SRGAP3: variants seen among roughly 807,000 people sequenced by gnomAD.
SRGAP3 encodes the protein SLIT-ROBO Rho GTPase activating protein 3.
SRGAP3 carries 39 observed loss-of-function variants against 121.1 expected under a neutral mutation model. That is an observed-to-expected ratio of 0.32 (90% confidence interval 0.25 to 0.42). SRGAP3 has a LOEUF of 0.42. Ranked by LOEUF, SRGAP3 falls within the 10% of genes least tolerant of loss-of-function variation. The probability of loss-of-function intolerance (pLI) is 1.00; values close to 1 mark genes in which losing one functional copy is unlikely to be tolerated. For missense variants in SRGAP3, 1,213 were observed against 1,470.6 expected (o/e 0.82, Z 2.86); for synonymous variants, 601 against 570.0 (o/e 1.05, Z -0.77).
intron 3 of SRGAP3, among the ~76,000 whole-genome samples, chr3:9,275,042 T>C (rs1220118500): frequency 1.3e-5 from 2 of 152,156 alleles, no homozygotes; most frequent in East Asian, 3.9e-4. Context: ...GGCTTGAGGG[T>C]GGAACCCTCA....
chr3:8,993,010 C>G lies in SRGAP3; in HGVS notation c.2454G>C (p.Glu818Asp), dbSNP rs868425111. 3.1e-6 allele frequency: 5 copies of G among 1,614,116 alleles called. No individual in the cohort carries two copies. Among genetic ancestry groups the G allele is most frequent in the Non-Finnish European group, 3.4e-6 (4 of 1,180,050 alleles). ...CATCCAGCAATGGCCCACTGCTGGC[C>G]TCGCTGTCAGCCTTCTGGCTCAGGC... ...SDSLSQKADS[E>D]ASSGPLLDDK... is the part of the protein sequence containing the mutation. Residue 818 changes from glutamate (E) to aspartate (D), a missense_variant, in exon 20 of 22, where the codon GAG (glutamate) becomes GAC (aspartate). Glu to Asp is a conservative substitution (Grantham distance 45). Transcript: ENST00000383836.
At chr3:9,318,630 T>C (rs2125281309) in intron 3 of SRGAP3, among the ~76,000 whole-genome samples, 1 of 151,498 alleles carries the variant, frequency 6.6e-6, no homozygotes, top group East Asian at 1.9e-4. Flanking sequence ...ATCCCAGCAC[T>C]TTGAGAGGCT....
chr3:9,131,137 G>C (rs999384490), intron 1 of SRGAP3, among the ~76,000 whole-genome samples: 1 of 152,188 alleles, frequency 6.6e-6, no homozygotes, highest in East Asian at 1.9e-4. Flanking sequence ...CACAGATTTG[G>C]GTTTTCTCCT....
intron 1 of SRGAP3, among the ~76,000 whole-genome samples, chr3:9,148,260 C>T (rs181795631): frequency 1.3e-5 from 2 of 152,274 alleles, no homozygotes; most frequent in African/African-American, 2.4e-5. Flanking sequence ...AAGAAGAAAA[C>T]GCCCTAGAAA....
Position 9,016,753 on chromosome 3 carries a change from C to T in SRGAP3, c.1679-1022G>A, listed in dbSNP as rs576768173. On this transcript the variant is annotated intron_variant, in intron 14 of 21. Transcript: ENST00000383836. ...TGATTTTTGCCCAAATTAATTGTTC[C>T]ACTGGGGTTGCAAAACGGTGACTTT... Among the ~76,000 whole-genome samples, 4 of 152,276 alleles carry T rather than the reference C, an allele frequency of 2.6e-5. 1 individual carries two copies. The highest frequency in any genetic ancestry group is 9.6e-5 in the African/African-American group (4 of 41,550).
chr3:9,152,605 G>T lies in SRGAP3; in HGVS notation c.68-27688C>A, dbSNP rs376585643. Among the ~76,000 whole-genome samples, 26 of 152,328 alleles carry T rather than the reference G, an allele frequency of 1.7e-4. 1 individual carries two copies. The highest frequency in any genetic ancestry group is 1.2e-3 in the Admixed American group (18 of 15,304). Reference sequence around the variant, plus strand: ...CAGAAGCAGAGACAAACCTGGCATAGCCCCTGAGAGACGAGCAGTGTGGCC... The same window carrying T: ...CAGAAGCAGAGACAAACCTGGCATATCCCCTGAGAGACGAGCAGTGTGGCC... On this transcript the variant is annotated intron_variant, in intron 1 of 21. Transcript: ENST00000383836.
At chr3:9,098,762 G>A (rs141028551) in intron 3 of SRGAP3, among the ~76,000 whole-genome samples, 47 of 152,354 alleles carry the variant, frequency 3.1e-4, no homozygotes, top group African/African-American at 9.9e-4. Flanking sequence ...CACTGCAGGC[G>A]TTTGCTCACT....
At chr3:9,322,495 G>A (rs1267031013) in intron 3 of SRGAP3, among the ~76,000 whole-genome samples, 1 of 151,884 alleles carries the variant, frequency 6.6e-6, no homozygotes, top group Non-Finnish European at 1.5e-5. Flanking sequence ...GAACAGGGCT[G>A]CACAGCAGGA....
intron 4 of SRGAP3, among the ~76,000 whole-genome samples, chr3:9,075,367 GT>G (rs1186345037): frequency 2.1e-5 from 3 of 140,704 alleles, no homozygotes; most frequent in Non-Finnish European, 4.5e-5. Flanking sequence ...GCACATGCAT[GT>G]ATGCAAGTGT....
At position 9,159,110 on chromosome 3, in the gene SRGAP3, G is replaced by A. The variant is rs1404500607; in HGVS notation, c.68-34193C>T. 3.9e-5 allele frequency among the ~76,000 whole-genome samples: 6 copies of A among 152,026 alleles called. No homozygotes were observed. The East Asian group carries it at 9.6e-4, about 24-fold the overall frequency. On this transcript the variant is annotated intron_variant, in intron 1 of 21. Transcript: ENST00000383836. Reference sequence around the variant, plus strand: ...GTTCCAACTCGTGTTCTGTACTGGGGTCCTCGGGCCATCACTCTCTTTGCC... The same window carrying A: ...GTTCCAACTCGTGTTCTGTACTGGGATCCTCGGGCCATCACTCTCTTTGCC...
intron 3 of SRGAP3, among the ~76,000 whole-genome samples, chr3:9,099,799 C>T (rs540409029): frequency 1.3e-5 from 2 of 152,308 alleles, no homozygotes; most frequent in South Asian, 4.1e-4. Flanking sequence ...TTAATAAAGC[C>T]TCCAGGTGAT....
intron 1 of SRGAP3, among the ~76,000 whole-genome samples, chr3:9,332,780 G>C (rs1439514400): frequency 6.6e-6 from 1 of 152,136 alleles, no homozygotes; most frequent in Admixed American, 6.5e-5. Flanking sequence ...ATTAAAGACA[G>C]AAGGCAAGGG....
intron 3 of SRGAP3, among the ~76,000 whole-genome samples, chr3:9,302,271 T>G (rs905672378): frequency 2.0e-5 from 3 of 152,190 alleles, no homozygotes; most frequent in Non-Finnish European, 4.4e-5. Flanking sequence ...TGCTTCTGAC[T>G]GCAGCTAGAG....
intron 1 of SRGAP3, among the ~76,000 whole-genome samples, chr3:9,157,059 A>G (rs1950443775): frequency 6.6e-6 from 1 of 152,188 alleles, no homozygotes; most frequent in Non-Finnish European, 1.5e-5. Context: ...TTTCTTGAGC[A>G]TAATGAATAC....
At chr3:9,023,943 C>T (rs544778397) in intron 14 of SRGAP3, among the ~76,000 whole-genome samples, 26 of 152,124 alleles carry the variant, frequency 1.7e-4, no homozygotes, top group Non-Finnish European at 2.9e-4. Context: ...GCCTGGGGGC[C>T]GTGGCAGTAC....
Position 9,058,291 on chromosome 3 carries a change from G to A in SRGAP3, c.983C>T (p.Pro328Leu), listed in dbSNP as rs1945934388. ...GGGCTGGAACTCGAACTTGAGTGGA[G>A]GGCAGAAGACTTGATTGCACATGTC... ...VMDMCNQVFC[P>L]PLKFEFQPHM... Residue 328 changes from proline to leucine, a missense_variant, in exon 7 of 22, where the codon CCT becomes CTT. By Grantham distance (98) the Pro-to-Leu change is moderately conservative (BLOSUM62 -3). Coordinates refer to ENST00000383836, the MANE Select transcript of SRGAP3 (RefSeq NM_014850.4). The A allele has an allele frequency of 6.2e-7, 1 of 1,614,234 alleles. No individual in the cohort carries two copies. Among genetic ancestry groups the A allele is most frequent in the Non-Finnish European group, 8.5e-7 (1 of 1,180,036 alleles).
chr3:9,158,757 A>G (rs1447506016), intron 1 of SRGAP3, among the ~76,000 whole-genome samples: 1 of 152,202 alleles, frequency 6.6e-6, no homozygotes, highest in East Asian at 1.9e-4. Context: ...TTTGCAGTGC[A>G]GGTCTGAGTC....
At chr3:9,123,382 T>C (rs75119131) in intron 2 of SRGAP3, among the ~76,000 whole-genome samples, 1 of 17,812 alleles carries the variant, frequency 5.6e-5, no homozygotes, top group Non-Finnish European at 1.1e-4. Context: ...AATATATATA[T>C]ATATATACAT....
intron 7 of SRGAP3, among the ~76,000 whole-genome samples, chr3:9,057,127 C>T (rs924998223): frequency 2.0e-5 from 3 of 152,108 alleles, no homozygotes; most frequent in Non-Finnish European, 4.4e-5. Context: ...CAGGGTTTCA[C>T]CATGTTGGCC....
Sources: gnomAD v4.1 joint callset for allele counts (sites outside exome capture counted in the v4.1 genomes callset) on GRCh38, gnomAD v4.1.1 for gene constraint, MANE v1.5 for transcripts, NCBI Gene and HGNC (gene_info 2026-07-23, HGNC 2026-07-21) for gene names.